Variants in PDE1C observed in about 807,000 individuals in gnomAD.
The protein encoded by PDE1C is dual specificity calcium/calmodulin-dependent 3',5'-cyclic nucleotide phosphodiesterase 1C.
PDE1C carries 62 observed loss-of-function variants against 93.1 expected under a neutral mutation model. The observed-to-expected ratio is 0.67, with a 90% CI of 0.54 to 0.82. PDE1C has a LOEUF of 0.82. Among genes scored for constraint, PDE1C ranks in the 40% least tolerant of loss-of-function variants. The pLI is 0.00. For synonymous variants in PDE1C, 325 were observed against 310.1 expected, an observed-to-expected ratio of 1.05 and a Z score of -0.50; for missense variants, 742 against 884.6, an observed-to-expected ratio of 0.84 and a Z score of 2.04.
chr7:31,672,276 G>A, the PDE1C span, among the ~76,000 whole-genome samples: 2 of 151,952 alleles, frequency 1.3e-5, no homozygotes, highest in Non-Finnish European at 2.9e-5. Context: ...TTTTCAAAAC[G>A]TTATTATGGA....
chr7:31,677,738 C>A, the PDE1C span, among the ~76,000 whole-genome samples: 1 of 152,066 alleles, frequency 6.6e-6, no homozygotes, highest in Non-Finnish European at 1.5e-5. Context: ...GATAGAAATG[C>A]CAGCTATGGC....
At chr7:31,720,086 C>T in the PDE1C span, among the ~76,000 whole-genome samples, 5 of 144,204 alleles carry the variant, frequency 3.5e-5, no homozygotes, top group African/African-American at 1.3e-4. Context: ...TGGCGTGAAC[C>T]CGGGAAGCGG....
At chr7:32,140,127 C>T (rs189923441) in intron 3 of PDE1C, among the ~76,000 whole-genome samples, 2 of 152,152 alleles carry the variant, frequency 1.3e-5, no homozygotes, top group Non-Finnish European at 2.9e-5. Flanking sequence ...GATGCAGTTG[C>T]CATCTATTAA....
At chr7:32,143,471 T>C (rs1335459664) in intron 3 of PDE1C, among the ~76,000 whole-genome samples, 3 of 152,056 alleles carry the variant, frequency 2.0e-5, no homozygotes, top group Non-Finnish European at 4.4e-5. Flanking sequence ...ACCGTGACTT[T>C]ACGTGACTCA....
intron 1 of PDE1C, among the ~76,000 whole-genome samples, chr7:32,377,484 T>C (rs1260389393): frequency 6.6e-6 from 1 of 152,198 alleles, no homozygotes; most frequent in Non-Finnish European, 1.5e-5. Context: ...GGGAAGAAGT[T>C]TTTGGCGTAT....
intron 7 of PDE1C, among the ~76,000 whole-genome samples, chr7:31,859,982 G>A (rs555797194): frequency 4.6e-5 from 7 of 152,150 alleles, no homozygotes; most frequent in East Asian, 3.9e-4. Flanking sequence ...TATATACTCC[G>A]TAATTGTTCA....
chr7:32,381,998 G>A (rs1784545023), intron 1 of PDE1C, among the ~76,000 whole-genome samples: 1 of 152,028 alleles, frequency 6.6e-6, no homozygotes, highest in South Asian at 2.1e-4. Flanking sequence ...TTAATTAATT[G>A]AATTCTTGAA....
intron 3 of PDE1C, among the ~76,000 whole-genome samples, chr7:32,116,866 C>A (rs888159105): frequency 1.3e-5 from 2 of 152,176 alleles, no homozygotes; most frequent in Non-Finnish European, 2.9e-5. Context: ...CTTCCCAGAG[C>A]TTTAGTCACA....
In PDE1C at chr7:31,879,121, A is replaced by T; in HGVS notation, c.300T>A (p.Ser100=). The change falls in exon 4 of 18, where the codon TCT becomes TCA. Residue 100 remains serine (S), a synonymous_variant. Coordinates refer to ENST00000396191, the MANE Select transcript of PDE1C (RefSeq NM_001191057.4). ...TGGAGGCCAGCCAGTCTCGGACCTC[A>T]GAAGGCACAGCATCTGACTGAATGT... ...LSDIQSDAVP[S]EVRDWLASTF... The T allele has an allele frequency of 6.2e-7, 1 of 1,614,156 alleles. No homozygotes were observed. Among genetic ancestry groups the T allele is most frequent in the Non-Finnish European group, 8.5e-7 (1 of 1,180,000 alleles).
intron 2 of PDE1C, among the ~76,000 whole-genome samples, chr7:32,038,567 G>A (rs188046046): frequency 7.8e-4 from 119 of 152,238 alleles, no homozygotes; most frequent in African/African-American, 2.5e-3. Flanking sequence ...TTAACTGGCC[G>A]AAAAATCACA....
chr7:31,998,733 T>C (rs1022211471), intron 2 of PDE1C, among the ~76,000 whole-genome samples: 2 of 152,194 alleles, frequency 1.3e-5, no homozygotes, highest in East Asian at 1.9e-4. Context: ...ATTCTAATAC[T>C]AAAAGTTCTT....
At chr7:32,225,661 C>T (rs1807206171) in intron 1 of PDE1C, among the ~76,000 whole-genome samples, 1 of 152,188 alleles carries the variant, frequency 6.6e-6, no homozygotes, top group South Asian at 2.1e-4. Context: ...GGCTCATCTT[C>T]ATGCACAGCC....
chr7:32,010,137 CT>C (rs1293365434), intron 2 of PDE1C, among the ~76,000 whole-genome samples: 7 of 152,162 alleles, frequency 4.6e-5, no homozygotes, highest in Non-Finnish European at 1.0e-4. Context: ...GCTATAACAA[CT>C]GACAAACTGA....
At chr7:31,636,341 T>C in the PDE1C span, among the ~76,000 whole-genome samples, 1 of 152,184 alleles carries the variant, frequency 6.6e-6, no homozygotes, top group East Asian at 1.9e-4. Context: ...TAACGTATAA[T>C]TTCATCCATT....
intron 1 of PDE1C, chr7:32,052,329 G>T (rs1378165920): frequency 2.1e-6 from 1 of 483,548 alleles, no homozygotes; most frequent in Non-Finnish European, 4.2e-6. Context: ...TCTATCACAT[G>T]AAGCTAGTAA....
chr7:32,101,099 AG>A (rs1398458128), intron 3 of PDE1C, among the ~76,000 whole-genome samples: 1 of 152,210 alleles, frequency 6.6e-6, no homozygotes, highest in Non-Finnish European at 1.5e-5. Context: ...CCTCAATATA[AG>A]TTGTTCTTTT....
At chr7:31,861,986 C>T (rs750108924) in intron 7 of PDE1C, among the ~76,000 whole-genome samples, 2 of 152,176 alleles carry the variant, frequency 1.3e-5, no homozygotes, top group Admixed American at 6.6e-5. Flanking sequence ...ATGTGCTGTT[C>T]CCACTAGGCT....
At chr7:32,251,299 C>A in intron 1 of PDE1C, among the ~76,000 whole-genome samples, 1 of 152,220 alleles carries the variant, frequency 6.6e-6, no homozygotes, top group South Asian at 2.1e-4. Context: ...TCCCACCCTA[C>A]TTTGACCTGC....
At chr7:32,200,932 G>A (rs183829328) in intron 2 of PDE1C, among the ~76,000 whole-genome samples, 2 of 152,250 alleles carry the variant, frequency 1.3e-5, no homozygotes, top group Admixed American at 1.3e-4. Context: ...TCCGAGTTAG[G>A]CAGAAGTTTC....
Sources: allele counts gnomAD v4.1 joint callset (sites outside exome capture counted in the v4.1 genomes callset), GRCh38; gene constraint gnomAD v4.1.1; transcripts MANE v1.5; gene names NCBI Gene and HGNC (gene_info 2026-07-23, HGNC 2026-07-21).